PRTFDC1: variants seen among roughly 807,000 people sequenced by gnomAD.
PRTFDC1 encodes phosphoribosyl transferase domain containing 1, also known as phosphoribosyltransferase domain-containing protein 1.
PRTFDC1 carries 38 observed loss-of-function variants against 34.6 expected under a neutral mutation model. The observed-to-expected ratio is 1.10, with a 90% CI of 0.85 to 1.44. The LOEUF is 1.44. Ranked by LOEUF, PRTFDC1 falls within the 40% of genes most tolerant of loss-of-function variation. The pLI is 0.00. For synonymous variants in PRTFDC1, 93 were observed against 98.1 expected, an observed-to-expected ratio of 0.95 and a Z score of 0.31; for missense variants, 270 against 283.0, an observed-to-expected ratio of 0.95 and a Z score of 0.33.
intron 4 of PRTFDC1, among the ~76,000 whole-genome samples, chr10:24,864,760 C>G (rs1847745795): frequency 6.6e-6 from 1 of 152,144 alleles, no homozygotes; most frequent in Non-Finnish European, 1.5e-5. Flanking sequence ...TGAGATATGG[C>G]TGTGCCTAAG....
chr10:24,942,858 G>A (rs1235856094), intron 1 of PRTFDC1, among the ~76,000 whole-genome samples: 1 of 152,120 alleles, frequency 6.6e-6, no homozygotes, highest in African/African-American at 2.4e-5. Context: ...ATGTTGGCCA[G>A]GCTGGTCTTG....
At chr10:24,853,912 T>C (rs1847533198) in intron 7 of PRTFDC1, among the ~76,000 whole-genome samples, 1 of 152,210 alleles carries the variant, frequency 6.6e-6, no homozygotes. Context: ...GGGCAGTGAC[T>C]GAAACCAGAT....
intron 3 of PRTFDC1, among the ~76,000 whole-genome samples, chr10:24,921,103 A>T (rs933266811): frequency 6.6e-6 from 1 of 151,454 alleles, no homozygotes; most frequent in Admixed American, 6.6e-5. Flanking sequence ...TAAAAAAAAA[A>T]CAAAAAAACA....
Position 24,949,735 on chromosome 10 carries a change from ATTTATT to A in PRTFDC1, c.48+2787_48+2792del, listed in dbSNP as rs1156896821. Among the ~76,000 whole-genome samples the A allele has an allele frequency of 2.6e-3, 366 of 140,066 alleles. 2 individuals carry two copies. Among genetic ancestry groups the A allele is most frequent in the South Asian group, 0.019 (80 of 4,300 alleles). 91.9% of individuals were successfully genotyped at this position (140,066 alleles called of 152,430 possible). On this transcript the variant is annotated intron_variant, in intron 1 of 8. Coordinates refer to ENST00000320152, the MANE Select transcript of PRTFDC1 (RefSeq NM_020200.7). ...TTTTTGTTTATTTATTTATTTATTT[ATTTATT>A]TTTTTTTTTTTTTTTAAGAAGGAGT... is the stretch of plus-strand genomic sequence containing the variant.
intron 3 of PRTFDC1, among the ~76,000 whole-genome samples, chr10:24,926,976 T>G (rs1848885801): frequency 6.6e-6 from 1 of 152,208 alleles, no homozygotes; most frequent in African/African-American, 2.4e-5. Flanking sequence ...GAAGAATGTA[T>G]GTCAAGAAAA....
intron 3 of PRTFDC1, among the ~76,000 whole-genome samples, chr10:24,931,272 A>G (rs575270493): frequency 6.6e-6 from 1 of 152,138 alleles, no homozygotes; most frequent in Non-Finnish European, 1.5e-5. Context: ...ATATGTTTGT[A>G]TTAGAAAATA....
intron 3 of PRTFDC1, among the ~76,000 whole-genome samples, chr10:24,880,834 T>TCTTTCTTC (rs1491109217): frequency 4.6e-4 from 64 of 139,214 alleles, no homozygotes; most frequent in Admixed American, 1.7e-3. Flanking sequence ...TTTCTTTCTT[T>TCTTTCTTC]CTTTCTTTCT....
At chr10:24,930,432 A>G (rs886431054) in intron 3 of PRTFDC1, among the ~76,000 whole-genome samples, 7 of 148,896 alleles carry the variant, frequency 4.7e-5, no homozygotes, top group Non-Finnish European at 7.4e-5. Flanking sequence ...AACATTTCAG[A>G]AAAAAAAGCA....
At chr10:24,866,922 C>G (rs964862960) in intron 4 of PRTFDC1, among the ~76,000 whole-genome samples, 1 of 126,970 alleles carries the variant, frequency 7.9e-6, no homozygotes, top group African/African-American at 3.0e-5. Context: ...ACAAAAAAAG[C>G]AAGGAAGAGA....
At chr10:24,851,908 G>T (rs1312877148) in intron 7 of PRTFDC1, among the ~76,000 whole-genome samples, 1 of 151,892 alleles carries the variant, frequency 6.6e-6, no homozygotes, top group Admixed American at 6.6e-5. Context: ...ACAGCAACTA[G>T]AAAGCAATTC....
chr10:24,910,646 C>T (rs1418309289), intron 3 of PRTFDC1, among the ~76,000 whole-genome samples: 1 of 152,138 alleles, frequency 6.6e-6, no homozygotes, highest in African/African-American at 2.4e-5. Flanking sequence ...TACAAGCCTA[C>T]AAAATAATGC....
intron 7 of PRTFDC1, among the ~76,000 whole-genome samples, chr10:24,854,724 A>C (rs1003940630): frequency 1.3e-5 from 2 of 152,214 alleles, no homozygotes; most frequent in African/African-American, 4.8e-5. Context: ...TCAAGTGTGA[A>C]GATGGTATCT....
intron 3 of PRTFDC1, among the ~76,000 whole-genome samples, chr10:24,904,252 A>G (rs1246825650): frequency 1.8e-5 from 2 of 114,208 alleles, no homozygotes; most frequent in Non-Finnish European, 3.5e-5. Context: ...TCTTTCATCT[A>G]AAATGTAATA....
intron 3 of PRTFDC1, among the ~76,000 whole-genome samples, chr10:24,916,949 T>C (rs1848705277): frequency 2.0e-5 from 3 of 152,202 alleles, no homozygotes; most frequent in African/African-American, 7.2e-5. Flanking sequence ...ACAGTCCAAT[T>C]ACCATATATG....
At chr10:24,899,606 T>G (rs546453084) in intron 3 of PRTFDC1, among the ~76,000 whole-genome samples, 1 of 152,316 alleles carries the variant, frequency 6.6e-6, no homozygotes, top group African/African-American at 2.4e-5. Context: ...TAGAGCATAC[T>G]GATTTTTAAC....
At chr10:24,874,843 G>A (rs1847934773) in intron 3 of PRTFDC1, among the ~76,000 whole-genome samples, 1 of 152,120 alleles carries the variant, frequency 6.6e-6, no homozygotes, top group Non-Finnish European at 1.5e-5. Context: ...ATGTGTCATG[G>A]GGAGGGACCC....
intron 3 of PRTFDC1, among the ~76,000 whole-genome samples, chr10:24,926,010 A>T (rs139026297): frequency 2.3e-4 from 35 of 152,104 alleles, no homozygotes; most frequent in African/African-American, 7.0e-4. Flanking sequence ...TCTTCCTGGG[A>T]ACTTGCCCAG....
At chr10:24,938,604 C>T (rs2132610096) in intron 2 of PRTFDC1, among the ~76,000 whole-genome samples, 1 of 152,338 alleles carries the variant, frequency 6.6e-6, no homozygotes, top group South Asian at 2.1e-4. Flanking sequence ...TCCTGAGGTG[C>T]AGTCACCGCT....
At chr10:24,945,106 T>C (rs1023661378) in intron 1 of PRTFDC1, among the ~76,000 whole-genome samples, 2 of 152,194 alleles carry the variant, frequency 1.3e-5, no homozygotes, top group Admixed American at 6.5e-5. Flanking sequence ...CAATGTCACC[T>C]CTGCAAAGAC....
Sources: allele counts gnomAD v4.1 joint callset (sites outside exome capture counted in the v4.1 genomes callset), GRCh38; gene constraint gnomAD v4.1.1; transcripts MANE v1.5; gene names NCBI Gene and HGNC (gene_info 2026-07-23, HGNC 2026-07-21).